Variants in RAMP1 observed in about 807,000 individuals in gnomAD.
RAMP1 encodes receptor activity modifying protein 1.
In RAMP1, 7 loss-of-function variants were observed where a neutral mutation model predicts 8.2. The ratio of observed to expected loss-of-function variants is 0.85; its 90% CI spans 0.49 to 1.60. The LOEUF (loss-of-function observed/expected upper bound fraction) is 1.60. Ranked by LOEUF, RAMP1 falls within the 40% of genes most tolerant of loss-of-function variation. The pLI, the probability that RAMP1 is intolerant of heterozygous loss-of-function variation, is 0.00. For missense variants in RAMP1, 192 were observed against 202.4 expected, an observed-to-expected ratio of 0.95 and a Z score of 0.31; for synonymous variants, 92 against 84.7, an observed-to-expected ratio of 1.09 and a Z score of -0.47.
intron 2 of RAMP1, among the ~76,000 whole-genome samples, chr2:237,888,278 C>T (rs1328451747): frequency 6.6e-6 from 1 of 152,194 alleles, no homozygotes; most frequent in East Asian, 1.9e-4. Flanking sequence ...TGGTCTCAAA[C>T]TCCTGATCTC....
chr2:237,872,740 A>G lies in RAMP1; in HGVS notation c.53-4484A>G, dbSNP rs118133126. Among the ~76,000 whole-genome samples the G allele has an allele frequency of 2.2e-3, 335 of 152,332 alleles. 6 individuals are homozygous for G. In the East Asian group the frequency reaches 0.054, roughly 24 times the overall value. On this transcript the variant is annotated intron_variant, in intron 1 of 2. Coordinates refer to ENST00000254661, the MANE Select transcript of RAMP1 (RefSeq NM_005855.4). ...TTATTTGCAAGGATTAAATAGGCTAATGGTGGCCAGGCACTGTGGCTCACG... is the reference window on the plus strand; with the variant it reads ...TTATTTGCAAGGATTAAATAGGCTAGTGGTGGCCAGGCACTGTGGCTCACG...
At chr2:237,906,612 C>A (rs1310582044) in intron 2 of RAMP1, among the ~76,000 whole-genome samples, 2 of 150,874 alleles carry the variant, frequency 1.3e-5, no homozygotes, top group Admixed American at 1.3e-4. Flanking sequence ...ATCTCAAACT[C>A]TTTCTTATCA....
At chr2:237,898,825 C>CCT in intron 2 of RAMP1, among the ~76,000 whole-genome samples, 1 of 152,216 alleles carries the variant, frequency 6.6e-6, no homozygotes, top group African/African-American at 2.4e-5. Context: ...GCACGCCAGG[C>CCT]CAGGCCACAG....
chr2:237,896,264 T>C (rs13014915), intron 2 of RAMP1, among the ~76,000 whole-genome samples: 39,456 of 152,236 alleles, frequency 0.26, 5,258 homozygotes, highest in South Asian at 0.33. Flanking sequence ...TCCGCCCGCC[T>C]GCTGTGGCTG....
chr2:237,873,795 C>T (rs1429563557), intron 1 of RAMP1, among the ~76,000 whole-genome samples: 1 of 152,242 alleles, frequency 6.6e-6, no homozygotes, highest in Admixed American at 6.5e-5. Flanking sequence ...TGTTACCTCT[C>T]TCTGCAAGGA....
intron 2 of RAMP1, among the ~76,000 whole-genome samples, chr2:237,909,045 C>T (rs939801721): frequency 6.6e-6 from 1 of 152,150 alleles, no homozygotes; most frequent in African/African-American, 2.4e-5. Flanking sequence ...GGGGACTCAG[C>T]ACCTGCCCTA....
At chr2:237,903,047 C>G (rs990216078) in intron 2 of RAMP1, among the ~76,000 whole-genome samples, 1 of 152,170 alleles carries the variant, frequency 6.6e-6, no homozygotes, top group Non-Finnish European at 1.5e-5. Context: ...AGCAGAGAGA[C>G]TGGGTCTCAC....
intron 1 of RAMP1, among the ~76,000 whole-genome samples, chr2:237,863,347 C>T (rs1317736043): frequency 2.6e-5 from 4 of 152,166 alleles, no homozygotes; most frequent in Admixed American, 2.6e-4. Context: ...CCTGCCATAC[C>T]CCCTGCCTAC....
chr2:237,911,006 A>T (rs2151025648), intron 2 of RAMP1, among the ~76,000 whole-genome samples: 1 of 151,822 alleles, frequency 6.6e-6, no homozygotes. Flanking sequence ...GAAAATAGTC[A>T]CACACACGGT....
chr2:237,878,762 TTA>T lies in RAMP1; in HGVS notation c.191+1401_191+1402del, dbSNP rs2062335751. On this transcript the variant is annotated intron_variant, in intron 2 of 2. Coordinates refer to ENST00000254661, the MANE Select transcript of RAMP1 (RefSeq NM_005855.4). The surrounding 1 kb of genome is among the most constrained non-coding windows in gnomAD (Gnocchi z 5.7). ...TCTGTACCTTGGGAGCCCAAACTTTTTAAAAAGTAGGAAAGCATGGGGTATAT... is the reference window on the plus strand; with the variant it reads ...TCTGTACCTTGGGAGCCCAAACTTTTAAAAGTAGGAAAGCATGGGGTATAT... Among the ~76,000 whole-genome samples the T allele has an allele frequency of 6.6e-6, 1 of 152,208 alleles. No homozygotes were observed. The highest frequency in any genetic ancestry group is 2.4e-5 in the African/African-American group (1 of 41,448).
chr2:237,875,167 G>A (rs1045943023), intron 1 of RAMP1, among the ~76,000 whole-genome samples: 37 of 152,060 alleles, frequency 2.4e-4, no homozygotes, highest in African/African-American at 8.2e-4. Flanking sequence ...CTTTCCTAGG[G>A]GGCATCTTGA....
At chr2:237,903,329 T>C (rs866550710) in intron 2 of RAMP1, among the ~76,000 whole-genome samples, 1 of 152,260 alleles carries the variant, frequency 6.6e-6, no homozygotes, top group Non-Finnish European at 1.5e-5. Flanking sequence ...ATCACTGTTA[T>C]CTATATTTCA....
chr2:237,876,709 C>T lies in RAMP1; in HGVS notation c.53-515C>T, dbSNP rs144656448. 3.0e-4 allele frequency among the ~76,000 whole-genome samples: 45 copies of T among 152,248 alleles called. No individual in the cohort carries two copies. In the East Asian group the frequency reaches 7.6e-3, roughly 26 times the overall value. On this transcript the variant is annotated intron_variant, in intron 1 of 2. Coordinates refer to ENST00000254661, the MANE Select transcript of RAMP1 (RefSeq NM_005855.4). ...GAAATTAGTCAATCCTGATTCTGTG[C>T]GGGGCATCGCTGGGCAGGTCACTGT...
At chr2:237,870,155 C>A (rs1279052100) in intron 1 of RAMP1, among the ~76,000 whole-genome samples, 1 of 152,266 alleles carries the variant, frequency 6.6e-6, no homozygotes, top group Non-Finnish European at 1.5e-5. Flanking sequence ...TCATGTCCCG[C>A]CACCCACCTT....
At chr2:237,888,342 C>T (rs974027359) in intron 2 of RAMP1, among the ~76,000 whole-genome samples, 2 of 152,292 alleles carry the variant, frequency 1.3e-5, no homozygotes, top group Admixed American at 1.3e-4. Context: ...TGAGCCACCA[C>T]GCCCGGCCCA....
chr2:237,899,322 C>T (rs1297217646), intron 2 of RAMP1, among the ~76,000 whole-genome samples: 2 of 152,224 alleles, frequency 1.3e-5, no homozygotes, highest in African/African-American at 4.8e-5. Flanking sequence ...CCGCCCGCCT[C>T]GGCCTCCCAA....
chr2:237,876,936 C>A (rs1041896861), intron 1 of RAMP1, among the ~76,000 whole-genome samples: 1 of 152,306 alleles, frequency 6.6e-6, no homozygotes, highest in South Asian at 2.1e-4. Flanking sequence ...TCTCATGCTG[C>A]CCATGCCTGG....
rs543356721 is a variant in RAMP1 at position 237,877,095 on chromosome 2, G to A, written c.53-129G>A. The A allele has an allele frequency of 1.4e-4, 153 of 1,129,938 alleles. No homozygotes were observed. In the African/African-American group the frequency reaches 1.7e-3, roughly 13 times the overall value. The allele number at this position is 1,129,938 out of a possible 1,614,324, so 70.0% of individuals were successfully genotyped here. ...AGAGCGTCCACTTGGAGCCACAGTC[G>A]CCCTCTCCAGGGGTTGCTTAGAGGC... is the stretch of plus-strand genomic sequence containing the variant. On this transcript the variant is annotated intron_variant, in intron 1 of 2. Coordinates refer to ENST00000254661, the MANE Select transcript of RAMP1 (RefSeq NM_005855.4). This position sits in a 1 kb window ranked among gnomAD's most constrained non-coding sequence, Gnocchi z 4.4.
At chr2:237,892,570 C>T (rs1343685755) in intron 2 of RAMP1, among the ~76,000 whole-genome samples, 2 of 152,126 alleles carry the variant, frequency 1.3e-5, no homozygotes, top group African/African-American at 2.4e-5. Context: ...TGTGTTTTCT[C>T]TTCTATTATT....
Sources: allele counts gnomAD v4.1 joint callset (sites outside exome capture counted in the v4.1 genomes callset), GRCh38; gene constraint gnomAD v4.1.1; non-coding constraint Gnocchi (gnomAD v3.1); transcripts MANE v1.5; gene names NCBI Gene and HGNC (gene_info 2026-07-23, HGNC 2026-07-21).